The following LAMA4 variants were observed in gnomAD, a reference collection of about 807,000 sequenced individuals.
The protein encoded by LAMA4 is laminin subunit alpha-4.
In LAMA4, 127 loss-of-function variants were observed where a neutral mutation model predicts 207.1. The ratio of observed to expected loss-of-function variants is 0.61; its 90% CI spans 0.53 to 0.71. The LOEUF (loss-of-function observed/expected upper bound fraction) is 0.71, where lower values mean the gene tolerates loss of function less well. Ranked by LOEUF, LAMA4 falls within the 30% of genes least tolerant of loss-of-function variation. The pLI is 0.00. For missense variants in LAMA4, 2,093 were observed against 2,246.5 expected, an observed-to-expected ratio of 0.93 and a Z score of 1.38; for synonymous variants, 761 against 816.0, an observed-to-expected ratio of 0.93 and a Z score of 1.15.
chr6:112,220,287 A>G (rs1457736081), intron 2 of LAMA4, among the ~76,000 whole-genome samples: 1 of 152,192 alleles, frequency 6.6e-6, no homozygotes, highest in Non-Finnish European at 1.5e-5. Flanking sequence ...CTGCTCTACC[A>G]TTAAGACTGA....
chr6:112,155,202 G>T (rs782442519), intron 15 of LAMA4: 1 of 585,646 alleles, frequency 1.7e-6, no homozygotes, highest in Non-Finnish European at 3.0e-6. Flanking sequence ...CCACCAAAGT[G>T]CTTGCCACAT....
chr6:112,231,133 T>C (rs1444507194), intron 2 of LAMA4, among the ~76,000 whole-genome samples: 1 of 152,218 alleles, frequency 6.6e-6, no homozygotes, highest in Non-Finnish European at 1.5e-5. Context: ...ATAAAAGTCA[T>C]CTCTGTTCAA....
intron 2 of LAMA4, chr6:112,251,603 C>T (rs1453449982): frequency 6.6e-6 from 1 of 152,250 alleles, no homozygotes; most frequent in Non-Finnish European, 1.5e-5. Context: ...CAAATACAGT[C>T]TCCTGAGCCA....
chr6:112,243,287 C>G (rs781803733), intron 2 of LAMA4, among the ~76,000 whole-genome samples: 3 of 152,128 alleles, frequency 2.0e-5, no homozygotes, highest in Admixed American at 6.5e-5. Flanking sequence ...CTCCCCACCC[C>G]CTACCACAGG....
chr6:112,211,191 G>T (rs1784338215), intron 3 of LAMA4, among the ~76,000 whole-genome samples: 1 of 152,098 alleles, frequency 6.6e-6, no homozygotes, highest in African/African-American at 2.4e-5. Flanking sequence ...AGCTGGTCTG[G>T]ATTACACTCT....
At chr6:112,191,603 C>T in intron 6 of LAMA4, 33 bp downstream of exon 6, 1 of 1,504,208 alleles carries the variant, frequency 6.6e-7, no homozygotes, top group Non-Finnish European at 9.2e-7. Context: ...TCATGCTGGC[C>T]AGGCAGCTGG....
At chr6:112,233,331 G>A (rs1430018436) in intron 2 of LAMA4, among the ~76,000 whole-genome samples, 1 of 152,176 alleles carries the variant, frequency 6.6e-6, no homozygotes, top group South Asian at 2.1e-4. Flanking sequence ...CCCAGCCCAG[G>A]GGCTGGCACA....
At position 112,117,651 on chromosome 6, in the gene LAMA4, A is replaced by C; in HGVS notation, c.4981+88T>G. ...TCTAGGGCTGAGTTTGGCATTCTTA[A>C]GTTTTAACTCTGGGCCTGATATTCC... On this transcript the variant is annotated intron_variant, in intron 35 of 38. Coordinates refer to ENST00000230538, the MANE Select transcript of LAMA4 (RefSeq NM_001105206.3). The surrounding 1 kb of genome is among the most constrained non-coding windows in gnomAD (Gnocchi z 4.5). The C allele has an allele frequency of 7.4e-7, 1 of 1,353,262 alleles. No homozygotes were observed. The highest frequency in any genetic ancestry group is 1.2e-5 in the South Asian group (1 of 84,896). 83.8% of individuals were successfully genotyped at this position (1,353,262 alleles called of 1,614,324 possible).
At chr6:112,174,579 G>A (rs1012230524) in intron 11 of LAMA4, among the ~76,000 whole-genome samples, 31 of 152,292 alleles carry the variant, frequency 2.0e-4, no homozygotes, top group African/African-American at 6.7e-4. Flanking sequence ...TGCAACCTCC[G>A]CCTCCCAGGT....
At chr6:112,225,900 C>T (rs1554362253) in intron 2 of LAMA4, among the ~76,000 whole-genome samples, 1 of 152,186 alleles carries the variant, frequency 6.6e-6, no homozygotes, top group Non-Finnish European at 1.5e-5. Context: ...TAATAAAAAG[C>T]AGACTGAGTT....
chr6:112,189,419 C>T (rs1291492736), intron 6 of LAMA4, among the ~76,000 whole-genome samples: 1 of 152,084 alleles, frequency 6.6e-6, no homozygotes, highest in Admixed American at 6.5e-5. Flanking sequence ...CAAAGGTGAC[C>T]CTGGGCAAAA....
intron 31 of LAMA4, among the ~76,000 whole-genome samples, chr6:112,125,640 A>T (rs1313665083): frequency 2.6e-5 from 4 of 152,258 alleles, no homozygotes; most frequent in African/African-American, 9.6e-5. Flanking sequence ...ATAGGGAACT[A>T]GAAATCAATG....
Position 112,175,332 on chromosome 6 carries a change from C to G in LAMA4, c.1338G>C (p.Glu446Asp), listed in dbSNP as rs566902248. 6.2e-7 allele frequency: 1 copy of G among 1,614,150 alleles called. No individual in the cohort carries two copies. Among genetic ancestry groups the G allele is most frequent in the South Asian group, 1.1e-5 (1 of 91,092 alleles). ...FFTQRELVDE[E>D]ADEAYELLSQ... ...ACCTACGTTCGTAAGCCTCATCTGC[C>G]TCCTCATCCACGAGCTCCCGTTGGG... Residue 446 changes from glutamate to aspartate, a missense_variant, in exon 11 of 39, where the codon GAG becomes GAC. By Grantham distance (45) the Glu-to-Asp change is conservative. This residue lies in a region of LAMA4 where 1,704 missense variants were observed against 1,788.4 expected (regional missense o/e 0.95). Transcript: ENST00000230538.
rs1213235058 is a variant in LAMA4 at position 112,108,185 on chromosome 6, A to T, written c.*1252T>A. Among the ~76,000 whole-genome samples the T allele has an allele frequency of 3.9e-5, 6 of 152,234 alleles. No individual in the cohort carries two copies. Among genetic ancestry groups the T allele is most frequent in the African/African-American group, 1.4e-4 (6 of 41,540 alleles). On this transcript the variant is annotated 3_prime_UTR_variant, in exon 39 of 39. Transcript: ENST00000230538. ...AAAATATTTTATATCCTCTCCCCTC[A>T]AAAGTTACTCCTTTTATGTATTGTT...
At chr6:112,205,000 C>A (rs1382360633) in intron 4 of LAMA4, among the ~76,000 whole-genome samples, 3 of 152,076 alleles carry the variant, frequency 2.0e-5, no homozygotes, top group African/African-American at 4.8e-5. Flanking sequence ...GAAAAAACAT[C>A]GGGGGAATCT....
chr6:112,171,587 C>G (rs1262628394), intron 12 of LAMA4: 1 of 152,804 alleles, frequency 6.5e-6, no homozygotes, highest in Non-Finnish European at 1.5e-5. Flanking sequence ...AAGGGGGACA[C>G]TTCAAGGGTA....
At chr6:112,173,427 G>A (rs1781840792) in intron 11 of LAMA4, among the ~76,000 whole-genome samples, 1 of 152,204 alleles carries the variant, frequency 6.6e-6, no homozygotes, top group Non-Finnish European at 1.5e-5. Context: ...GTCTTGTTGA[G>A]ATTTTCTTCC....
intron 5 of LAMA4, among the ~76,000 whole-genome samples, chr6:112,197,377 A>G (rs1370973355): frequency 6.6e-6 from 1 of 152,220 alleles, no homozygotes; most frequent in Non-Finnish European, 1.5e-5. Context: ...ACAGTAGTGT[A>G]AGAGGTAGAG....
intron 2 of LAMA4, among the ~76,000 whole-genome samples, chr6:112,225,924 T>C (rs1485283568): frequency 2.0e-5 from 3 of 152,294 alleles, no homozygotes; most frequent in South Asian, 4.1e-4. Flanking sequence ...GTAAGTTTTA[T>C]TGTTGTTTTT....
Sources: gnomAD v4.1 joint callset for allele counts (sites outside exome capture counted in the v4.1 genomes callset) on GRCh38, gnomAD v4.1.1 for gene constraint, gnomAD v4.1.1 regional missense constraint, Gnocchi (gnomAD v3.1) non-coding constraint, MANE v1.5 for transcripts, NCBI Gene and HGNC (gene_info 2026-07-23, HGNC 2026-07-21) for gene names.